The following CDC73 variants were observed in gnomAD, a reference collection of about 807,000 sequenced individuals.
CDC73 encodes the protein cell division cycle 73, also known as parafibromin.
Under a neutral mutation model 83.7 loss-of-function variants are expected in CDC73, and 21 were observed. The observed-to-expected ratio is 0.25, with a 90% CI of 0.18 to 0.36. The LOEUF is 0.36. Among genes scored for constraint, CDC73 ranks in the 10% least tolerant of loss-of-function variants. The pLI, the probability that CDC73 is intolerant of heterozygous loss-of-function variation, is 1.00. For missense variants in CDC73, 342 were observed against 653.3 expected (o/e 0.52, Z 5.19); for synonymous variants, 224 against 212.9 (o/e 1.05, Z -0.45).
At position 193,254,683 on chromosome 1, in the gene CDC73, GTAT is replaced by G. The variant is rs1334533897; in HGVS notation, c.*3976_*3978del. On this transcript the variant is annotated 3_prime_UTR_variant, in exon 17 of 17. Coordinates refer to ENST00000367435, the MANE Select transcript of CDC73 (RefSeq NM_024529.5). ...TTTTTTATGTGTTTTGGGTTTCTGT[GTAT>G]TATTTTAGGTAATCTTTATAAGGGC... is the stretch of plus-strand genomic sequence containing the variant. Among the ~76,000 whole-genome samples, 5 of 152,068 alleles carry G rather than the reference GTAT, an allele frequency of 3.3e-5. No individual in the cohort carries two copies. The highest frequency in any genetic ancestry group is 7.4e-5 in the Non-Finnish European group (5 of 67,984).
At chr1:193,151,326 TAGAA>T (rs1676106306) in intron 9 of CDC73, among the ~76,000 whole-genome samples, 1 of 152,264 alleles carries the variant, frequency 6.6e-6, no homozygotes, top group African/African-American at 2.4e-5. Flanking sequence ...ATATGTGCCA[TAGAA>T]AGACTACGTC....
At chr1:193,207,535 A>G (rs189332526) in intron 11 of CDC73, among the ~76,000 whole-genome samples, 1 of 152,206 alleles carries the variant, frequency 6.6e-6, no homozygotes, top group East Asian at 1.9e-4. Context: ...CCCCCCAGAA[A>G]TGCATTCCTT....
chr1:193,180,827 G>T, intron 10 of CDC73: 2 of 1,614,022 alleles, frequency 1.2e-6, no homozygotes, highest in Non-Finnish European at 1.7e-6. Flanking sequence ...ATAACATATG[G>T]AATATGTGGA....
At chr1:193,222,601 GTTATT>G (rs1329014780) in intron 13 of CDC73, among the ~76,000 whole-genome samples, 1 of 152,068 alleles carries the variant, frequency 6.6e-6, no homozygotes, top group Non-Finnish European at 1.5e-5. Flanking sequence ...GTTCCGTGTG[GTTATT>G]TTAAAGATCA....
intron 13 of CDC73, among the ~76,000 whole-genome samples, chr1:193,230,369 A>G (rs1235844048): frequency 6.7e-6 from 1 of 150,320 alleles, no homozygotes; most frequent in East Asian, 1.9e-4. Context: ...GACGTCTCGA[A>G]CCCCTGACCT....
chr1:193,201,111 A>G (rs535180503), intron 10 of CDC73, among the ~76,000 whole-genome samples: 8 of 151,782 alleles, frequency 5.3e-5, no homozygotes, highest in African/African-American at 9.6e-5. Context: ...GTGTATACCA[A>G]CTCAAAAATT....
At chr1:193,173,785 A>T (rs1357132258) in intron 10 of CDC73, among the ~76,000 whole-genome samples, 1 of 152,176 alleles carries the variant, frequency 6.6e-6, no homozygotes, top group Admixed American at 6.5e-5. Context: ...AAATCAAGAT[A>T]TTTTTTAAAA....
At chr1:193,221,418 G>A (rs898668398) in intron 13 of CDC73, among the ~76,000 whole-genome samples, 3 of 151,328 alleles carry the variant, frequency 2.0e-5, no homozygotes, top group African/African-American at 7.3e-5. Flanking sequence ...GGCATTTACT[G>A]TATTTTTTTA....
chr1:193,125,503 C>G (rs933239664), intron 2 of CDC73, among the ~76,000 whole-genome samples: 2 of 152,158 alleles, frequency 1.3e-5, no homozygotes, highest in African/African-American at 4.8e-5. Context: ...CTCAGTGGAT[C>G]CTCCTGCCTC....
chr1:193,229,683 A>C (rs1677625661), intron 13 of CDC73, among the ~76,000 whole-genome samples: 1 of 152,238 alleles, frequency 6.6e-6, no homozygotes, highest in African/African-American at 2.4e-5. Flanking sequence ...GTCCACTAGC[A>C]GGAGAATGGT....
intron 10 of CDC73, among the ~76,000 whole-genome samples, chr1:193,185,048 GCA>G (rs766281608): frequency 6.6e-6 from 1 of 151,986 alleles, no homozygotes; most frequent in Admixed American, 6.6e-5. Flanking sequence ...TCTGTGCCCT[GCA>G]CACACATATA....
chr1:193,188,435 AATTGTGGG>A lies in CDC73; in HGVS notation c.973-15356_973-15349del, dbSNP rs1331341906. 2.0e-5 allele frequency among the ~76,000 whole-genome samples: 3 copies of A among 152,020 alleles called. No individual in the cohort carries two copies. The East Asian group carries it at 5.8e-4, about 29-fold the overall frequency. ...TTTTATTACATGGCACTGCTAGAGA[AATTGTGGG>A]ATTTTTTTTTTTTCTGAACACTGGC... On this transcript the variant is annotated intron_variant, in intron 10 of 16. Transcript: ENST00000367435.
intron 15 of CDC73, among the ~76,000 whole-genome samples, chr1:193,248,674 T>A (rs1677993511): frequency 2.6e-5 from 4 of 152,054 alleles, no homozygotes; most frequent in Non-Finnish European, 5.9e-5. Flanking sequence ...AGAAGTTGAT[T>A]CCTACCTTCA....
rs371231651 is a variant in CDC73 at position 193,180,712 on chromosome 1, C to T, written c.973-23083C>T. 53 of 1,614,040 alleles carry T rather than the reference C, an allele frequency of 3.3e-5. No homozygotes were observed. Among genetic ancestry groups the T allele is most frequent in the Admixed American group, 6.7e-5 (4 of 60,018 alleles). ...TTTGTTTCGATTGGGTGCATATCCT[C>T]GCATTAGGTAACCAGTGAAATAGTT... On this transcript the variant is annotated intron_variant, in intron 10 of 16. Coordinates refer to ENST00000367435, the MANE Select transcript of CDC73 (RefSeq NM_024529.5).
chr1:193,202,270 C>T (rs1489831825), intron 10 of CDC73, among the ~76,000 whole-genome samples: 1 of 152,018 alleles, frequency 6.6e-6, no homozygotes, highest in Non-Finnish European at 1.5e-5. Flanking sequence ...TATTATGCTC[C>T]AGGTACTGGA....
chr1:193,237,914 T>C (rs1053086769), intron 15 of CDC73, among the ~76,000 whole-genome samples: 4 of 152,184 alleles, frequency 2.6e-5, no homozygotes, highest in Non-Finnish European at 5.9e-5. Context: ...ACTTGAGTGA[T>C]ACACAGAGTT....
chr1:193,180,222 T>C, intron 10 of CDC73: 1 of 1,319,796 alleles, frequency 7.6e-7, no homozygotes, highest in South Asian at 1.7e-5. Flanking sequence ...GTCCTACGGA[T>C]GTAATCAGTT....
At chr1:193,151,224 A>G (rs866316805) in intron 9 of CDC73, among the ~76,000 whole-genome samples, 1 of 152,330 alleles carries the variant, frequency 6.6e-6, no homozygotes, top group East Asian at 1.9e-4. Flanking sequence ...ATAATCTGAA[A>G]TCTTCATTTA....
intron 3 of CDC73, among the ~76,000 whole-genome samples, chr1:193,134,498 G>A (rs192546381): frequency 2.0e-5 from 3 of 152,104 alleles, no homozygotes; most frequent in Admixed American, 6.5e-5. Context: ...GTGAAACCCC[G>A]TCTCTACTAA....
Sources: gnomAD v4.1 joint callset for allele counts (sites outside exome capture counted in the v4.1 genomes callset) on GRCh38, gnomAD v4.1.1 for gene constraint, MANE v1.5 for transcripts, NCBI Gene and HGNC (gene_info 2026-07-23, HGNC 2026-07-21) for gene names.